Variants in SNTB1 observed in about 807,000 individuals in gnomAD.
The protein encoded by SNTB1 is beta-1-syntrophin.
A neutral mutation model predicts 48.9 loss-of-function variants in SNTB1; 36 were observed. The ratio of observed to expected loss-of-function variants is 0.74; its 90% CI spans 0.56 to 0.97. SNTB1 has a LOEUF of 0.97. Ranked by LOEUF, SNTB1 falls within the 50% of genes least tolerant of loss-of-function variation. The pLI is 0.00. For synonymous variants in SNTB1, 299 were observed against 294.6 expected (o/e 1.01, Z -0.15); for missense variants, 786 against 703.4 (o/e 1.12, Z -1.33).
At chr8:120,804,910 G>A (rs1053294600) in intron 1 of SNTB1, among the ~76,000 whole-genome samples, 30 of 152,092 alleles carry the variant, frequency 2.0e-4, no homozygotes, top group African/African-American at 7.2e-4. Context: ...CCCTTCCCAT[G>A]GGCTACCACA....
intron 2 of SNTB1, among the ~76,000 whole-genome samples, chr8:120,676,460 AT>A (rs1817836234): frequency 6.6e-6 from 1 of 152,358 alleles, no homozygotes; most frequent in South Asian, 2.1e-4. Context: ...ACCTAGGTCC[AT>A]CTGATTACAA....
chr8:120,777,403 T>C (rs954000351), intron 1 of SNTB1, among the ~76,000 whole-genome samples: 2 of 152,176 alleles, frequency 1.3e-5, no homozygotes, highest in Non-Finnish European at 2.9e-5. Flanking sequence ...TTCTGATTGA[T>C]AGCTATAGAG....
At chr8:120,752,987 GAAAAAAAAAAAA>G (rs60198716) in intron 1 of SNTB1, among the ~76,000 whole-genome samples, 1 of 76,576 alleles carries the variant, frequency 1.3e-5, no homozygotes, top group African/African-American at 4.1e-5. Flanking sequence ...AAAGCTGGAA[GAAAAAAAAAAAA>G]AAAAAAAAAG....
chr8:120,597,804 T>C (rs1283939610), intron 3 of SNTB1, among the ~76,000 whole-genome samples: 2 of 152,244 alleles, frequency 1.3e-5, no homozygotes, highest in Non-Finnish European at 2.9e-5. Flanking sequence ...CGGCCAGGGA[T>C]GAATCAGGCT....
At chr8:120,609,525 T>G (rs1379911927) in intron 3 of SNTB1, among the ~76,000 whole-genome samples, 1 of 152,190 alleles carries the variant, frequency 6.6e-6, no homozygotes, top group Non-Finnish European at 1.5e-5. Flanking sequence ...ACCTGCCACC[T>G]GAGGGTGTTG....
At position 120,789,863 on chromosome 8, in the gene SNTB1, A is replaced by C. The variant is rs537156654; in HGVS notation, c.571+21410T>G. Among the ~76,000 whole-genome samples the C allele has an allele frequency of 7.6e-4, 116 of 152,082 alleles. 1 individual carries two copies. The highest frequency in any genetic ancestry group is 1.1e-3 in the Non-Finnish European group (74 of 67,854). ...AACTATTCCAAAGATTGAGAAGGAG[A>C]GAATCCTTCCTAACTCATTCTACAA... On this transcript the variant is annotated intron_variant, in intron 1 of 6. Transcript: ENST00000517992.
intron 2 of SNTB1, among the ~76,000 whole-genome samples, chr8:120,636,507 C>G (rs1817080859): frequency 7.4e-6 from 1 of 135,156 alleles, no homozygotes; most frequent in South Asian, 2.5e-4. Flanking sequence ...GTTTTTTGTT[C>G]TTGCGATAGT....
rs1430932323 is a variant in SNTB1 at position 120,548,783 on chromosome 8, G to C, written c.1312C>G (p.Leu438Val). Residue 438 changes from leucine to valine, a missense_variant, in exon 5 of 7, where the codon CTC becomes GTC. Coordinates refer to ENST00000517992, the MANE Select transcript of SNTB1 (RefSeq NM_021021.4). ...TCACCAGTGCTGATTTCAGCAATGA[G>C]TTCAGCAGAATTGTGGCAACCCTGT... ...IVQGCHNSAE[L>V]IAEISTACTY... 2.1e-5 allele frequency: 34 copies of C among 1,614,116 alleles called. No homozygotes were observed. The highest frequency in any genetic ancestry group is 2.7e-5 in the Non-Finnish European group (32 of 1,179,974).
At chr8:120,753,996 G>A (rs1033582799) in intron 1 of SNTB1, among the ~76,000 whole-genome samples, 4 of 152,172 alleles carry the variant, frequency 2.6e-5, no homozygotes, top group African/African-American at 7.2e-5. Flanking sequence ...AAATTTGGGA[G>A]TATGATGCCT....
intron 3 of SNTB1, among the ~76,000 whole-genome samples, chr8:120,600,126 T>C (rs546680440): frequency 3.3e-5 from 5 of 152,200 alleles, no homozygotes; most frequent in African/African-American, 7.2e-5. Flanking sequence ...CATCAAGAAG[T>C]AGAGTCTCTT....
intron 1 of SNTB1, among the ~76,000 whole-genome samples, chr8:120,712,412 C>A (rs1017949970): frequency 3.9e-5 from 4 of 102,678 alleles, no homozygotes; most frequent in Admixed American, 1.3e-4. Context: ...GAGACTCCAT[C>A]TCAAAAAAAA....
chr8:120,753,326 A>T (rs112890289), intron 1 of SNTB1, among the ~76,000 whole-genome samples: 1 of 152,134 alleles, frequency 6.6e-6, no homozygotes, highest in Non-Finnish European at 1.5e-5. Flanking sequence ...GCGTAACTTT[A>T]AAAAGTTCTT....
intron 2 of SNTB1, among the ~76,000 whole-genome samples, chr8:120,633,043 T>C (rs776625386): frequency 1.3e-5 from 2 of 152,248 alleles, no homozygotes; most frequent in Non-Finnish European, 2.9e-5. Flanking sequence ...TCCTTGCTGC[T>C]GCTGGCAGGA....
intron 1 of SNTB1, among the ~76,000 whole-genome samples, chr8:120,740,242 C>A (rs1332267518): frequency 2.0e-5 from 3 of 152,144 alleles, no homozygotes; most frequent in Non-Finnish European, 4.4e-5. Flanking sequence ...CTGTCACAGT[C>A]AAGAACTTGG....
chr8:120,668,856 A>C (rs1817716109), intron 2 of SNTB1, among the ~76,000 whole-genome samples: 1 of 152,224 alleles, frequency 6.6e-6, no homozygotes, highest in African/African-American at 2.4e-5. Context: ...TCTGGGGAGA[A>C]ATACTTTATG....
chr8:120,654,565 C>T (rs1817468471), intron 2 of SNTB1, among the ~76,000 whole-genome samples: 1 of 152,136 alleles, frequency 6.6e-6, no homozygotes, highest in African/African-American at 2.4e-5. Context: ...CTGATAACAG[C>T]CCATCCCAAC....
At chr8:120,697,724 C>T (rs1335000829) in intron 1 of SNTB1, among the ~76,000 whole-genome samples, 2 of 152,198 alleles carry the variant, frequency 1.3e-5, no homozygotes, top group Non-Finnish European at 2.9e-5. Flanking sequence ...AGAACCAGCA[C>T]TAAGGGCAGT....
chr8:120,746,745 A>G lies in SNTB1; in HGVS notation c.572-52837T>C, dbSNP rs1418304034. ...TAATGATTTCTTTCCGTTATTCAGT[A>G]TAATAAACATTCAGTATTACTGGAC... On this transcript the variant is annotated intron_variant, in intron 1 of 6. Transcript: ENST00000517992. Among the ~76,000 whole-genome samples the G allele has an allele frequency of 2.6e-5, 4 of 152,240 alleles. No homozygotes were observed. In the East Asian group the frequency reaches 5.8e-4, roughly 22 times the overall value.
chr8:120,692,921 GA>G lies in SNTB1; in HGVS notation c.788+770del, dbSNP rs1312242060. Among the ~76,000 whole-genome samples, 3 of 152,310 alleles carry G rather than the reference GA, an allele frequency of 2.0e-5. No individual in the cohort carries two copies. In the East Asian group the frequency reaches 5.8e-4, roughly 29 times the overall value. ...TTTGTGTTGCTCTAAAGGAATACCTGAGGCTAGGTAATTTAAGGAAAGAGGT... is the reference window on the plus strand; with the variant it reads ...TTTGTGTTGCTCTAAAGGAATACCTGGGCTAGGTAATTTAAGGAAAGAGGT... On this transcript the variant is annotated intron_variant, in intron 2 of 6. Coordinates refer to ENST00000517992, the MANE Select transcript of SNTB1 (RefSeq NM_021021.4).
Sources: gnomAD v4.1 joint callset for allele counts (sites outside exome capture counted in the v4.1 genomes callset) on GRCh38, gnomAD v4.1.1 for gene constraint, MANE v1.5 for transcripts, NCBI Gene and HGNC (gene_info 2026-07-23, HGNC 2026-07-21) for gene names.